OPCML: variants seen among roughly 807,000 people sequenced by gnomAD.
OPCML encodes opioid binding protein/cell adhesion molecule like.
In OPCML, 13 loss-of-function variants were observed where a neutral mutation model predicts 37.8. The observed-to-expected ratio is 0.34, with a 90% CI of 0.22 to 0.55. The LOEUF is 0.55. Among genes scored for constraint, OPCML ranks in the 20% least tolerant of loss-of-function variants. OPCML has a pLI of 0.91. For synonymous variants in OPCML, 176 were observed against 168.8 expected (o/e 1.04, Z -0.33); for missense variants, 341 against 435.6 (o/e 0.78, Z 1.93).
chr11:133,481,046 G>A (rs1947360925), intron 1 of OPCML, among the ~76,000 whole-genome samples: 1 of 152,222 alleles, frequency 6.6e-6, no homozygotes, highest in African/African-American at 2.4e-5. Flanking sequence ...GTAGACATAG[G>A]TGGCAAAGAT....
chr11:133,085,081 C>G (rs1341404125), intron 1 of OPCML, among the ~76,000 whole-genome samples: 1 of 152,206 alleles, frequency 6.6e-6, no homozygotes, highest in African/African-American at 2.4e-5. Flanking sequence ...TAAATGGACT[C>G]CTTTATTTAA....
chr11:133,197,802 G>A (rs1938595389), intron 1 of OPCML, among the ~76,000 whole-genome samples: 2 of 152,138 alleles, frequency 1.3e-5, no homozygotes, highest in Admixed American at 1.3e-4. Context: ...TGCTTCAATG[G>A]AACAAGCGTG....
intron 2 of OPCML, among the ~76,000 whole-genome samples, chr11:132,880,325 G>T (rs1178151563): frequency 6.6e-6 from 1 of 152,134 alleles, no homozygotes; most frequent in Non-Finnish European, 1.5e-5. Flanking sequence ...CATCAGAATT[G>T]CTCCACTCTG....
At chr11:132,620,945 G>A (rs1939364510) in intron 3 of OPCML, among the ~76,000 whole-genome samples, 1 of 152,166 alleles carries the variant, frequency 6.6e-6, no homozygotes, top group Admixed American at 6.5e-5. Flanking sequence ...TCAAAAGGTG[G>A]AACTGCAAGG....
chr11:132,757,632 A>G (rs549003926), intron 2 of OPCML, among the ~76,000 whole-genome samples: 3 of 152,078 alleles, frequency 2.0e-5, no homozygotes, highest in South Asian at 4.2e-4. Flanking sequence ...TCCTTTGCCC[A>G]CTTTTTGATG....
At chr11:133,490,118 T>C (rs1947623291) in intron 1 of OPCML, among the ~76,000 whole-genome samples, 1 of 152,148 alleles carries the variant, frequency 6.6e-6, no homozygotes, top group Non-Finnish European at 1.5e-5. Context: ...ATGCTACATA[T>C]CAGGGTTTGT....
At chr11:132,500,406 A>G (rs1374603613) in intron 4 of OPCML, among the ~76,000 whole-genome samples, 2 of 152,188 alleles carry the variant, frequency 1.3e-5, no homozygotes, top group Non-Finnish European at 2.9e-5. Context: ...CCAAGAGGAT[A>G]TGTAACTCCT....
intron 1 of OPCML, among the ~76,000 whole-genome samples, chr11:133,482,434 A>G (rs147424821): frequency 3.3e-5 from 5 of 152,268 alleles, no homozygotes; most frequent in African/African-American, 1.2e-4. Flanking sequence ...AAATATCAAC[A>G]ATGTCTGTGA....
At chr11:132,701,368 T>G (rs1943808785) in intron 2 of OPCML, among the ~76,000 whole-genome samples, 1 of 152,212 alleles carries the variant, frequency 6.6e-6, no homozygotes, top group Non-Finnish European at 1.5e-5. Flanking sequence ...GAGATTTCAG[T>G]GTAGAGGCAC....
At chr11:133,178,434 T>C (rs1565488234) in intron 1 of OPCML, among the ~76,000 whole-genome samples, 1 of 151,476 alleles carries the variant, frequency 6.6e-6, no homozygotes, top group Non-Finnish European at 1.5e-5. Flanking sequence ...ACTTTTCAAA[T>C]ATGAATATAT....
chr11:132,767,377 T>C (rs1488829839), intron 2 of OPCML, among the ~76,000 whole-genome samples: 4 of 152,210 alleles, frequency 2.6e-5, no homozygotes, highest in African/African-American at 9.7e-5. Context: ...TGAGAGGTTA[T>C]GGGATTTCTT....
In OPCML at chr11:132,977,612, T is replaced by C. The variant is rs371316883; in HGVS notation, c.62-34602A>G. On this transcript the variant is annotated intron_variant, in intron 1 of 7. Transcript: ENST00000524381. The stretch of plus-strand genomic sequence containing the variant: ...GAACCCCTGTCATCTGGTCCTTGAA[T>C]TGTATAAAGAAGAGATATTTGGGAG... Among the ~76,000 whole-genome samples the C allele has an allele frequency of 2.0e-4, 30 of 152,242 alleles. 1 individual carries two copies. In the South Asian group the frequency reaches 6.0e-3, roughly 31 times the overall value.
intron 1 of OPCML, among the ~76,000 whole-genome samples, chr11:133,411,339 A>G (rs1039221010): frequency 2.0e-5 from 3 of 152,212 alleles, no homozygotes; most frequent in African/African-American, 7.2e-5. Flanking sequence ...TTTTTGGAGC[A>G]ATATTCACAC....
In OPCML at chr11:132,424,138, T is replaced by TC. The variant is rs531193179; in HGVS notation, c.917-3846_917-3845insG. Among the ~76,000 whole-genome samples, 1,209 of 148,338 alleles carry TC rather than the reference T, an allele frequency of 8.2e-3. 10 individuals carry two copies. Among genetic ancestry groups the TC allele is most frequent in the Middle Eastern group, 0.051 (15 of 292 alleles). ...TACTAGAGGCAGTTTTTTTTTTTTT[T>TC]AGATGGAGTCTCGCTCTGTCGCCCA... On this transcript the variant is annotated intron_variant, in intron 7 of 7. Transcript: ENST00000524381.
rs2095952573 is a variant in OPCML at position 132,420,110 on chromosome 11, C to A, written c.*83G>T. ...TAACAGAAAAAAACAAAAAGAAGCCCAAGCTGGTTTGCTCTCCGCAGTGTA... is the reference window on the plus strand; with the variant it reads ...TAACAGAAAAAAACAAAAAGAAGCCAAAGCTGGTTTGCTCTCCGCAGTGTA... On this transcript the variant is annotated 3_prime_UTR_variant, in exon 8 of 8. Transcript: ENST00000524381. 1.9e-6 allele frequency: 2 copies of A among 1,080,942 alleles called. No individual in the cohort carries two copies. Among genetic ancestry groups the A allele is most frequent in the South Asian group, 1.6e-5 (1 of 61,008 alleles). 67.0% of individuals were successfully genotyped at this position (1,080,942 alleles called of 1,614,324 possible). A position where few individuals can be genotyped will look rare whatever the true frequency, so the allele number is the denominator to read the frequency against.
At chr11:133,452,741 T>G (rs1402219524) in intron 1 of OPCML, among the ~76,000 whole-genome samples, 2 of 151,700 alleles carry the variant, frequency 1.3e-5, no homozygotes, top group African/African-American at 4.9e-5. Flanking sequence ...AGTGAGACAT[T>G]TAACCACAGT....
chr11:133,236,971 C>A (rs1940545802), intron 1 of OPCML, among the ~76,000 whole-genome samples: 1 of 152,124 alleles, frequency 6.6e-6, no homozygotes, highest in South Asian at 2.1e-4. Flanking sequence ...GGTGAGTGTA[C>A]CCTTCCTGCA....
At chr11:132,601,327 C>T (rs1937873758) in intron 3 of OPCML, among the ~76,000 whole-genome samples, 3 of 152,212 alleles carry the variant, frequency 2.0e-5, no homozygotes, top group African/African-American at 7.2e-5. Context: ...TTTGAAGCTC[C>T]ACCTGGGATT....
chr11:133,228,581 C>A (rs968867714), intron 1 of OPCML, among the ~76,000 whole-genome samples: 1 of 152,222 alleles, frequency 6.6e-6, no homozygotes, highest in Non-Finnish European at 1.5e-5. Context: ...CCTCCCAGGA[C>A]GCTGCGCCCT....
Sources: allele counts gnomAD v4.1 joint callset (sites outside exome capture counted in the v4.1 genomes callset), GRCh38; gene constraint gnomAD v4.1.1; transcripts MANE v1.5; gene names NCBI Gene and HGNC (gene_info 2026-07-23, HGNC 2026-07-21).